Variants in STON1 observed in about 807,000 individuals in gnomAD.
The protein encoded by STON1 is stonin-1.
A neutral mutation model predicts 60.9 loss-of-function variants in STON1; 79 were observed. That is an observed-to-expected ratio of 1.30 (90% CI 1.08 to 1.56). The LOEUF (loss-of-function observed/expected upper bound fraction) is 1.56, where lower values mean the gene tolerates loss of function less well. Among genes scored for constraint, STON1 ranks in the 40% most tolerant of loss-of-function variants. The pLI is 0.00. For missense variants in STON1, 1,166 were observed against 858.9 expected (o/e 1.36, Z -4.47); for synonymous variants, 363 against 306.9 (o/e 1.18, Z -1.91).
chr2:48,583,686 G>C (rs1674031418), intron 2 of STON1, among the ~76,000 whole-genome samples: 1 of 150,742 alleles, frequency 6.6e-6, no homozygotes. Context: ...AGGTGGGGTT[G>C]GGGGACCTGA....
At chr2:48,555,260 A>T (rs1249946267) in intron 1 of STON1, among the ~76,000 whole-genome samples, 11 of 98,562 alleles carry the variant, frequency 1.1e-4, no homozygotes, top group Admixed American at 2.0e-4. Context: ...CCAGACGGGG[A>T]GGTGGCTGGG....
chr2:48,563,693 TTTGTTG>T (rs139521757), intron 1 of STON1, among the ~76,000 whole-genome samples: 39 of 150,988 alleles, frequency 2.6e-4, no homozygotes, highest in Admixed American at 7.3e-4. Flanking sequence ...TTTGTTTGTT[TTTGTTG>T]TTGTTGTTGT....
intron 1 of STON1, among the ~76,000 whole-genome samples, chr2:48,577,698 C>G (rs1673596852): frequency 2.6e-5 from 4 of 151,632 alleles, no homozygotes. Context: ...TCACTGCTAC[C>G]TCCACCTCCT....
intron 1 of STON1, among the ~76,000 whole-genome samples, chr2:48,548,794 C>CA (rs1671970519): frequency 6.6e-6 from 1 of 152,282 alleles, no homozygotes; most frequent in Middle Eastern, 3.4e-3. Flanking sequence ...GCCACCATGC[C>CA]CGGCCTCATT....
intron 1 of STON1, among the ~76,000 whole-genome samples, chr2:48,565,747 G>A (rs1672916333): frequency 6.6e-6 from 1 of 152,180 alleles, no homozygotes; most frequent in Admixed American, 6.5e-5. Flanking sequence ...CAGAGGAGGA[G>A]AAAGGAAAAC....
At chr2:48,574,620 G>C (rs78178777) in intron 1 of STON1, among the ~76,000 whole-genome samples, 4,377 of 152,228 alleles carry the variant, frequency 0.029, 92 homozygotes, top group Non-Finnish European at 0.045. Flanking sequence ...TATGAAACTG[G>C]AATAATAATA....
intron 2 of STON1, among the ~76,000 whole-genome samples, chr2:48,589,779 G>C (rs115547021): frequency 2.8e-4 from 42 of 152,144 alleles, no homozygotes; most frequent in African/African-American, 1.0e-3. Context: ...TTTTAACTCC[G>C]AATGTGTAAC....
chr2:48,595,126 A>C, intron 3 of STON1, 102 bp from the exon 4 acceptor site: 1 of 870,268 alleles, frequency 1.1e-6, no homozygotes, highest in South Asian at 1.4e-5. Flanking sequence ...CCAAAGGGTG[A>C]GGTTTGTGCA....
rs187971295 is a variant in STON1 at position 48,577,468 on chromosome 2, C to G, written c.-47-3119C>G. The stretch of plus-strand genomic sequence containing the variant: ...TGGTGGTGCGTGCCTGCAATCCCAG[C>G]TACTCAGGAGGCTGAGGCAGGAGAA... On this transcript the variant is annotated intron_variant, in intron 1 of 3. Coordinates refer to ENST00000404752, the MANE Select transcript of STON1 (RefSeq NM_006873.4). Among the ~76,000 whole-genome samples, 1,223 of 151,770 alleles carry G rather than the reference C, an allele frequency of 8.1e-3. 9 individuals are homozygous for G. Among genetic ancestry groups the G allele is most frequent in the Non-Finnish European group, 0.013 (865 of 67,914 alleles).
chr2:48,567,849 C>A (rs1329902720), intron 1 of STON1, among the ~76,000 whole-genome samples: 1 of 146,214 alleles, frequency 6.8e-6, no homozygotes, highest in African/African-American at 2.5e-5. Context: ...GATTGCAGCC[C>A]TCCAATCATA....
chr2:48,564,967 A>G (rs1672872866), intron 1 of STON1, among the ~76,000 whole-genome samples: 1 of 144,962 alleles, frequency 6.9e-6, no homozygotes, highest in Non-Finnish European at 1.5e-5. Flanking sequence ...TCCTGATATC[A>G]GGTGATCCAC....
chr2:48,590,521 T>G (rs1390782805), intron 2 of STON1, among the ~76,000 whole-genome samples: 2 of 152,110 alleles, frequency 1.3e-5, no homozygotes, highest in East Asian at 1.9e-4. Context: ...ATACATTTAT[T>G]TAAGTAAAGA....
At chr2:48,566,343 T>A (rs994845036) in intron 1 of STON1, among the ~76,000 whole-genome samples, 35 of 152,256 alleles carry the variant, frequency 2.3e-4, no homozygotes, top group African/African-American at 8.4e-4. Flanking sequence ...GCCCGGCTAA[T>A]TTTTGTATTT....
In STON1 at chr2:48,598,059, A is replaced by C. The variant is rs1205613336; in HGVS notation, c.*2757A>C. 6.6e-6 allele frequency: 1 copy of C among 152,186 alleles called. No individual in the cohort carries two copies. The highest frequency in any genetic ancestry group is 1.5e-5 in the Non-Finnish European group (1 of 68,026). 9.4% of individuals were successfully genotyped at this position (152,186 alleles called of 1,614,324 possible). ...AAATGAGCAGACTTCCAAGGAGTTG[A>C]CCAGTTTGTGACTAGTCTGGTCACC... On this transcript the variant is annotated 3_prime_UTR_variant, in exon 4 of 4. Coordinates refer to ENST00000404752, the MANE Select transcript of STON1 (RefSeq NM_006873.4).
chr2:48,553,164 C>T (rs898190499), intron 1 of STON1, among the ~76,000 whole-genome samples: 2 of 152,152 alleles, frequency 1.3e-5, no homozygotes, highest in Non-Finnish European at 2.9e-5. Flanking sequence ...AGAGCAGTGA[C>T]AGCGCCCACC....
At chr2:48,583,451 A>T (rs1398219120) in intron 2 of STON1, among the ~76,000 whole-genome samples, 1 of 152,250 alleles carries the variant, frequency 6.6e-6, no homozygotes, top group Admixed American at 6.5e-5. Context: ...TTAATTTTTA[A>T]AAATTTTGCA....
intron 1 of STON1, among the ~76,000 whole-genome samples, chr2:48,580,127 C>A (rs62135237): frequency 6.6e-6 from 1 of 152,084 alleles, no homozygotes; most frequent in South Asian, 2.1e-4. Context: ...AGACTGCTCT[C>A]GAACTGCTGA....
chr2:48,530,912 T>C (rs1671184915), intron 1 of STON1: 1 of 152,286 alleles, frequency 6.6e-6, no homozygotes, highest in South Asian at 2.1e-4. Context: ...AATTAAAATA[T>C]ATTCCTCCTT....
chr2:48,583,730 T>C (rs1306902412), intron 2 of STON1, among the ~76,000 whole-genome samples: 2 of 150,752 alleles, frequency 1.3e-5, no homozygotes. Flanking sequence ...GATCCATCCA[T>C]CCATTGATCC....
Sources: allele counts gnomAD v4.1 joint callset (sites outside exome capture counted in the v4.1 genomes callset), GRCh38; gene constraint gnomAD v4.1.1; transcripts MANE v1.5; gene names NCBI Gene and HGNC (gene_info 2026-07-23, HGNC 2026-07-21).